GSE1: variants seen among roughly 807,000 people sequenced by gnomAD.
GSE1 encodes the protein Gse1 coiled-coil protein, also known as genetic suppressor element 1.
In GSE1, 32 loss-of-function variants were observed where a neutral mutation model predicts 112.6. That is an observed-to-expected ratio of 0.28 (90% CI 0.21 to 0.38). The LOEUF is 0.38. GSE1 is among the 10% of genes least tolerant of loss of function. The pLI is 1.00. For synonymous variants in GSE1, 1,115 were observed against 735.6 expected (o/e 1.52, Z -8.35); for missense variants, 2,348 against 1,699.2 (o/e 1.38, Z -6.71).
chr16:85,655,585 G>A (rs1015113756), intron 5 of GSE1, 141 bp from the exon 6 acceptor site: 2 of 597,602 alleles, frequency 3.3e-6, no homozygotes, highest in Non-Finnish European at 5.9e-6. Flanking sequence ...CTAGCAGCAG[G>A]CATGGTCTTC....
At position 85,380,387 on chromosome 16, in the gene GSE1, C is replaced by T. The variant is rs1363178932; in HGVS notation, c.2464+22744C>T. On this transcript the variant is annotated intron_variant, in intron 2 of 2. Transcript: ENST00000637419. ...CATCTAAATTGTGGCAGTGCTAAAA[C>T]CACCCTCTAAATCCTCCCTGAGCCC... 2.6e-5 allele frequency among the ~76,000 whole-genome samples: 4 copies of T among 152,280 alleles called. No individual in the cohort carries two copies. In the South Asian group the frequency reaches 8.3e-4, roughly 32 times the overall value.
At chr16:85,396,805 C>T (rs373513480) in intron 2 of GSE1, among the ~76,000 whole-genome samples, 79 of 152,312 alleles carry the variant, frequency 5.2e-4, no homozygotes, top group African/African-American at 1.8e-3. Flanking sequence ...AGGTCAGGGC[C>T]ATGGGCTGGG....
chr16:85,231,687 G>T (rs1904288451), intron 1 of GSE1, among the ~76,000 whole-genome samples: 2 of 152,200 alleles, frequency 1.3e-5, no homozygotes, highest in Non-Finnish European at 2.9e-5. Context: ...AGCTACCTGT[G>T]TGATGATGAC....
At chr16:85,221,270 G>T (rs2075386612) in intron 1 of GSE1, among the ~76,000 whole-genome samples, 1 of 151,908 alleles carries the variant, frequency 6.6e-6, no homozygotes, top group Non-Finnish European at 1.5e-5. Context: ...TGCCAGGGAG[G>T]TCAGCTGCAG....
intron 1 of GSE1, among the ~76,000 whole-genome samples, chr16:85,322,469 A>T (rs779037788): frequency 6.6e-6 from 1 of 152,134 alleles, no homozygotes; most frequent in Non-Finnish European, 1.5e-5. Context: ...GCAAGCAGTG[A>T]CCAAGGGACT....
chr16:85,236,647 A>C (rs1261565297), intron 1 of GSE1, among the ~76,000 whole-genome samples: 3 of 152,054 alleles, frequency 2.0e-5, no homozygotes, highest in Non-Finnish European at 4.4e-5. Flanking sequence ...AACAGCCTGT[A>C]TTTCTTTGGA....
At chr16:85,329,335 A>G (rs991844883) in intron 1 of GSE1, among the ~76,000 whole-genome samples, 3 of 152,156 alleles carry the variant, frequency 2.0e-5, no homozygotes, top group Non-Finnish European at 2.9e-5. Flanking sequence ...CTGTGAATAC[A>G]GGGCCTCAGC....
At chr16:85,205,579 C>T (rs2075100945) in intron 1 of GSE1, among the ~76,000 whole-genome samples, 1 of 152,114 alleles carries the variant, frequency 6.6e-6, no homozygotes, top group Non-Finnish European at 1.5e-5. Flanking sequence ...CCCTAGTTTC[C>T]CTCAAACACA....
intron 1 of GSE1, among the ~76,000 whole-genome samples, chr16:85,210,170 G>A (rs750667657): frequency 2.0e-5 from 3 of 152,142 alleles, no homozygotes; most frequent in African/African-American, 7.2e-5. Flanking sequence ...AGGTGTCAAG[G>A]GTTTGAGAAA....
intron 1 of GSE1, among the ~76,000 whole-genome samples, chr16:85,294,671 C>T (rs1224049272): frequency 7.3e-6 from 1 of 137,492 alleles, no homozygotes; most frequent in Non-Finnish European, 1.6e-5. Context: ...CTCTCTCTCT[C>T]CCCCCCCTTC....
intron 1 of GSE1, among the ~76,000 whole-genome samples, chr16:85,597,306 A>G (rs2047271643): frequency 6.8e-6 from 1 of 146,316 alleles, no homozygotes; most frequent in Admixed American, 6.9e-5. Flanking sequence ...CCCAGGAGAC[A>G]GAGGTTGCAG....
chr16:85,586,575 A>C (rs1188138616), intron 1 of GSE1, among the ~76,000 whole-genome samples: 4 of 152,224 alleles, frequency 2.6e-5, no homozygotes, highest in Admixed American at 2.6e-4. Context: ...TCCCACTGCC[A>C]GGCCGCATGG....
At chr16:85,539,664 C>T (rs1364526900) in intron 2 of GSE1, among the ~76,000 whole-genome samples, 6 of 152,152 alleles carry the variant, frequency 3.9e-5, no homozygotes, top group Non-Finnish European at 8.8e-5. Flanking sequence ...TTCATTAGCG[C>T]CTGCGTTCAC....
chr16:85,590,798 C>T (rs2151432516), intron 1 of GSE1, among the ~76,000 whole-genome samples: 1 of 152,330 alleles, frequency 6.6e-6, no homozygotes, highest in African/African-American at 2.4e-5. Flanking sequence ...CACCATTTGG[C>T]TCTGTGACCC....
Position 85,387,477 on chromosome 16 carries a change from C to T in GSE1, c.2464+29834C>T, listed in dbSNP as rs971697250. Among the ~76,000 whole-genome samples the T allele has an allele frequency of 2.6e-5, 4 of 152,248 alleles. No individual in the cohort carries two copies. The East Asian group carries it at 7.7e-4, about 29-fold the overall frequency. On this transcript the variant is annotated intron_variant, in intron 2 of 2. Coordinates refer to the GSE1 transcript ENST00000637419. ...AGCCTGCGATGCTCTTTCCACAGAA[C>T]TTTGCGGGACTGGCTTCTTCCCAGC...
At chr16:85,600,003 C>T (rs2047393750) in intron 1 of GSE1, among the ~76,000 whole-genome samples, 2 of 152,166 alleles carry the variant, frequency 1.3e-5, no homozygotes, top group African/African-American at 4.8e-5. Context: ...TGGCAAGGTC[C>T]CTCCTGTGTG....
At chr16:85,190,977 A>G (rs1197001340) in intron 1 of GSE1, among the ~76,000 whole-genome samples, 1 of 152,182 alleles carries the variant, frequency 6.6e-6, no homozygotes, top group African/African-American at 2.4e-5. Flanking sequence ...TATATTTTAG[A>G]ATTACAGAGT....
chr16:85,221,702 A>G (rs941830822), intron 1 of GSE1, among the ~76,000 whole-genome samples: 2 of 152,172 alleles, frequency 1.3e-5, no homozygotes, highest in Admixed American at 6.5e-5. Context: ...AAACAGCAGC[A>G]GCCCTTTAAG....
chr16:85,468,302 C>A (rs2050182030), intron 2 of GSE1, among the ~76,000 whole-genome samples: 1 of 150,838 alleles, frequency 6.6e-6, no homozygotes, highest in Non-Finnish European at 1.5e-5. Flanking sequence ...TCTTGTAGGG[C>A]CCTTCTTTCC....
Sources: allele counts gnomAD v4.1 joint callset (sites outside exome capture counted in the v4.1 genomes callset), GRCh38; gene constraint gnomAD v4.1.1; transcripts MANE v1.5; gene names NCBI Gene and HGNC (gene_info 2026-07-23, HGNC 2026-07-21).